ADAMTSL1: variants seen among roughly 807,000 people sequenced by gnomAD.
ADAMTSL1 encodes ADAMTS like 1, also known as ADAMTS-like protein 1.
Under a neutral mutation model 201.8 loss-of-function variants are expected in ADAMTSL1, and 126 were observed. That is an observed-to-expected ratio of 0.62 (90% confidence interval 0.54 to 0.72). ADAMTSL1 has a LOEUF of 0.72. ADAMTSL1 is among the 30% of genes least tolerant of loss of function. The pLI is 0.00. For synonymous variants in ADAMTSL1, 1,121 were observed against 903.4 expected (o/e 1.24, Z -4.32); for missense variants, 2,679 against 2,277.8 (o/e 1.18, Z -3.59).
At chr9:18,368,044 C>T (rs566662358) in intron 2 of ADAMTSL1, among the ~76,000 whole-genome samples, 2 of 151,846 alleles carry the variant, frequency 1.3e-5, no homozygotes, top group South Asian at 2.1e-4. Context: ...GGACTACAGG[C>T]GCCCGCCACC....
chr9:18,698,656 A>C (rs1831718500), intron 13 of ADAMTSL1, among the ~76,000 whole-genome samples: 1 of 152,218 alleles, frequency 6.6e-6, no homozygotes, highest in South Asian at 2.1e-4. Context: ...CTGAGAAGGA[A>C]GTAACCAGAG....
At position 18,414,686 on chromosome 9, in the gene ADAMTSL1, T is replaced by C. The variant is rs150014702; in HGVS notation, c.208-90143T>C. On this transcript the variant is annotated intron_variant, in intron 2 of 29. Transcript: ENST00000680146. ...TTTCCCTGAGTTGAGGAGTTGAACTTTGAAGCAGAAAGACCAAGATAGAGG... is the reference window on the plus strand; with the variant it reads ...TTTCCCTGAGTTGAGGAGTTGAACTCTGAAGCAGAAAGACCAAGATAGAGG... Among the ~76,000 whole-genome samples the C allele has an allele frequency of 1.4e-3, 220 of 152,250 alleles. 2 individuals are homozygous for C. The highest frequency in any genetic ancestry group is 8.6e-3 in the Admixed American group (132 of 15,286).
Position 18,183,524 on chromosome 9 carries a change from TAAAC to T in ADAMTSL1, c.207+19550_207+19553del, listed in dbSNP as rs1040950483. Among the ~76,000 whole-genome samples the T allele has an allele frequency of 3.0e-4, 46 of 152,158 alleles. 1 individual carries two copies. The highest frequency in any genetic ancestry group is 1.0e-3 in the African/African-American group (43 of 41,506). On this transcript the variant is annotated intron_variant, in intron 2 of 29. Coordinates refer to the ADAMTSL1 transcript ENST00000680146. ...ATATACTGAACTTAAAACTCAACAA[TAAAC>T]AAACAATCCAGTTCAAAAATGGGCC...
At chr9:18,203,275 C>G (rs555602101) in intron 2 of ADAMTSL1, among the ~76,000 whole-genome samples, 1 of 152,144 alleles carries the variant, frequency 6.6e-6, no homozygotes, top group African/African-American at 2.4e-5. Flanking sequence ...CTATATTCAC[C>G]GGCTGACGCT....
intron 1 of ADAMTSL1, among the ~76,000 whole-genome samples, chr9:18,106,730 T>A (rs1190981265): frequency 2.0e-5 from 3 of 152,212 alleles, no homozygotes; most frequent in Non-Finnish European, 4.4e-5. Context: ...CAAGAGTAAC[T>A]TACAAATATC....
At chr9:18,468,962 C>G (rs957376082) in intron 2 of ADAMTSL1, among the ~76,000 whole-genome samples, 2 of 152,196 alleles carry the variant, frequency 1.3e-5, no homozygotes, top group Admixed American at 1.3e-4. Flanking sequence ...GAGAGGAAGA[C>G]CATGGGACAA....
intron 1 of ADAMTSL1, among the ~76,000 whole-genome samples, chr9:18,474,941 A>T (rs1167739282): frequency 6.6e-6 from 1 of 152,222 alleles, no homozygotes; most frequent in African/African-American, 2.4e-5. Flanking sequence ...TGCCACAGTC[A>T]TAGTGATAAG....
intron 1 of ADAMTSL1, among the ~76,000 whole-genome samples, chr9:18,490,160 G>T (rs1320247999): frequency 6.6e-6 from 1 of 152,186 alleles, no homozygotes; most frequent in African/African-American, 2.4e-5. Flanking sequence ...TGAGACCCAT[G>T]CCACAGAGGA....
intron 2 of ADAMTSL1, among the ~76,000 whole-genome samples, chr9:18,237,186 C>T (rs1428394199): frequency 6.6e-6 from 1 of 152,180 alleles, no homozygotes; most frequent in East Asian, 1.9e-4. Flanking sequence ...AGCTGTGTCC[C>T]ACATGGCAGA....
At chr9:18,048,301 TG>T (rs1821763513) in intron 1 of ADAMTSL1, among the ~76,000 whole-genome samples, 1 of 152,196 alleles carries the variant, frequency 6.6e-6, no homozygotes, top group South Asian at 2.1e-4. Flanking sequence ...ATGAAATGCG[TG>T]AATTATATTG....
chr9:18,704,302 T>G (rs1832105985), intron 13 of ADAMTSL1, among the ~76,000 whole-genome samples: 1 of 152,220 alleles, frequency 6.6e-6, no homozygotes, highest in Admixed American at 6.5e-5. Flanking sequence ...TGTCCCTTTA[T>G]AGAAAAAGCT....
chr9:18,570,909 G>T (rs991234912), intron 3 of ADAMTSL1, among the ~76,000 whole-genome samples: 2 of 152,178 alleles, frequency 1.3e-5, no homozygotes, highest in Non-Finnish European at 2.9e-5. Context: ...TGTAACAGGT[G>T]TTCCTGAAGC....
At chr9:18,014,445 T>C (rs1820173269) in intron 1 of ADAMTSL1, among the ~76,000 whole-genome samples, 1 of 151,982 alleles carries the variant, frequency 6.6e-6, no homozygotes, top group South Asian at 2.1e-4. Context: ...TCTACTTAAC[T>C]CCTCTGGTGA....
chr9:18,233,735 G>C (rs1270975508), intron 2 of ADAMTSL1, among the ~76,000 whole-genome samples: 1 of 152,166 alleles, frequency 6.6e-6, no homozygotes, highest in East Asian at 1.9e-4. Context: ...CCAGCTGTGG[G>C]CATTGCCAGA....
chr9:18,156,709 T>A (rs143015441), intron 1 of ADAMTSL1, among the ~76,000 whole-genome samples: 3,673 of 151,912 alleles, frequency 0.024, 65 homozygotes, highest in Non-Finnish European at 0.036. Context: ...GAAGATGTGA[T>A]AAAAATGTGC....
intron 1 of ADAMTSL1, among the ~76,000 whole-genome samples, chr9:17,997,451 C>G (rs1257360672): frequency 6.6e-6 from 1 of 151,986 alleles, no homozygotes; most frequent in East Asian, 1.9e-4. Context: ...ATTTGTCACT[C>G]CTAAACACTC....
Position 18,803,952 on chromosome 9 carries a change from A to G in ADAMTSL1, c.3805+8428A>G, listed in dbSNP as rs958855555. Among the ~76,000 whole-genome samples, 8 of 152,162 alleles carry G rather than the reference A, an allele frequency of 5.3e-5. No individual in the cohort carries two copies. The East Asian group carries it at 1.5e-3, about 29-fold the overall frequency. On this transcript the variant is annotated intron_variant, in intron 20 of 28. Transcript: ENST00000380548. ...GGAAGGGGAACAATTATTTTTTACT[A>G]TTACTAAGAAGCCTACTGTAATAAT...
In ADAMTSL1 at chr9:17,958,740, G is replaced by GA. The variant is rs536026966; in HGVS notation, c.87+51825dup. On this transcript the variant is annotated intron_variant, in intron 1 of 29. Coordinates refer to the ADAMTSL1 transcript ENST00000680146. ...CCGTATTTCTTCCATGCCAAAGAAGGAAAAAAAGCCTTAAAAATTACATTG... is the reference window on the plus strand; with the variant it reads ...CCGTATTTCTTCCATGCCAAAGAAGGAAAAAAAAGCCTTAAAAATTACATTG... 2.3e-4 allele frequency among the ~76,000 whole-genome samples: 35 copies of GA among 151,992 alleles called. No individual in the cohort carries two copies. In the East Asian group the frequency reaches 6.4e-3, roughly 28 times the overall value.
chr9:18,138,402 A>C (rs1826251366), intron 1 of ADAMTSL1, among the ~76,000 whole-genome samples: 1 of 152,150 alleles, frequency 6.6e-6, no homozygotes, highest in African/African-American at 2.4e-5. Context: ...TTTAAGGCAG[A>C]GTATGCTACT....
Sources: allele counts gnomAD v4.1 joint callset (sites outside exome capture counted in the v4.1 genomes callset), GRCh38; gene constraint gnomAD v4.1.1; transcripts MANE v1.5; gene names NCBI Gene and HGNC (gene_info 2026-07-23, HGNC 2026-07-21).